The following OLFML2A variants were observed in gnomAD, a reference collection of about 807,000 sequenced individuals.
OLFML2A encodes olfactomedin-like protein 2A.
In OLFML2A, 47 loss-of-function variants were observed where a neutral mutation model predicts 60.9. That is an observed-to-expected ratio of 0.77 (90% confidence interval 0.61 to 0.98). The LOEUF is 0.98. Ranked by LOEUF, OLFML2A falls within the 50% of genes least tolerant of loss-of-function variation. The pLI, the probability that OLFML2A is intolerant of heterozygous loss-of-function variation, is 0.00. For synonymous variants in OLFML2A, 372 were observed against 375.0 expected, an observed-to-expected ratio of 0.99 and a Z score of 0.09; for missense variants, 922 against 879.8, an observed-to-expected ratio of 1.05 and a Z score of -0.61.
intron 1 of OLFML2A, among the ~76,000 whole-genome samples, chr9:124,784,955 T>TTTTTTTTTTTTG (rs1841432239): frequency 8.9e-6 from 1 of 112,052 alleles, no homozygotes; most frequent in African/African-American, 3.8e-5. Context: ...TTTTTTTTTT[T>TTTTTTTTTTTTG]TTTTTTTTTT....
chr9:124,804,078 G>T lies in OLFML2A; in HGVS notation c.920-16G>T, dbSNP rs576818740. The T allele has an allele frequency of 1.2e-6, 2 of 1,613,084 alleles. No homozygotes were observed. Among genetic ancestry groups the T allele is most frequent in the African/African-American group, 1.3e-5 (1 of 75,034 alleles). On this transcript the variant is annotated splice_polypyrimidine_tract_variant and intron_variant, in intron 5 of 7. Coordinates refer to ENST00000373580, the MANE Select transcript of OLFML2A (RefSeq NM_182487.4). ...GGTGGTGCTGAGATTTGAGCACAGGGGTCTTCTCTCTGCAGACAACACCCT... is the reference window on the plus strand; with the variant it reads ...GGTGGTGCTGAGATTTGAGCACAGGTGTCTTCTCTCTGCAGACAACACCCT...
Position 124,810,520 on chromosome 9 carries a change from G to C in OLFML2A, c.*108G>C. The C allele has an allele frequency of 1.7e-6, 2 of 1,174,116 alleles. No individual in the cohort carries two copies. Among genetic ancestry groups the C allele is most frequent in the Non-Finnish European group, 2.3e-6 (2 of 854,944 alleles). 72.7% of individuals were successfully genotyped at this position (1,174,116 alleles called of 1,614,324 possible). ...AATATTTATTGGGGGCCAGCCCAGGGCTGGGACTGGGCATGAGGTGGTCAC... is the reference window on the plus strand; with the variant it reads ...AATATTTATTGGGGGCCAGCCCAGGCCTGGGACTGGGCATGAGGTGGTCAC... On this transcript the variant is annotated 3_prime_UTR_variant, in exon 8 of 8. Coordinates refer to ENST00000373580, the MANE Select transcript of OLFML2A (RefSeq NM_182487.4).
chr9:124,803,987 C>G, intron 5 of OLFML2A, 107 bp from the exon 6 acceptor site: 1 of 1,312,062 alleles, frequency 7.6e-7, no homozygotes, highest in Non-Finnish European at 1.0e-6. Flanking sequence ...GAGGCCTCCC[C>G]CTCCACTCCC....
intron 1 of OLFML2A, among the ~76,000 whole-genome samples, chr9:124,786,589 C>T (rs1275693336): frequency 2.6e-5 from 4 of 151,762 alleles, no homozygotes; most frequent in East Asian, 1.9e-4. Context: ...GGCGTGATGG[C>T]GGGCACCTGT....
chr9:124,780,534 C>T (rs780945716), intron 1 of OLFML2A, among the ~76,000 whole-genome samples: 11 of 152,324 alleles, frequency 7.2e-5, no homozygotes, highest in East Asian at 1.9e-4. Context: ...GGTGTTGCTT[C>T]GCCTCCGCTC....
At chr9:124,800,824 G>C in intron 4 of OLFML2A, 1 of 1,370,184 alleles carries the variant, frequency 7.3e-7, no homozygotes, top group South Asian at 1.5e-5. Flanking sequence ...CAGCATCGGA[G>C]GCATTTAAAT....
intron 2 of OLFML2A, 74 bp downstream of exon 2, chr9:124,787,312 T>C: frequency 7.0e-7 from 1 of 1,438,064 alleles, no homozygotes; most frequent in African/African-American, 1.4e-5. Flanking sequence ...CAGTGAAAAT[T>C]CCACACACTC....
intron 3 of OLFML2A, among the ~76,000 whole-genome samples, chr9:124,796,275 G>T (rs956133729): frequency 6.6e-6 from 1 of 152,206 alleles, no homozygotes; most frequent in African/African-American, 2.4e-5. Flanking sequence ...AGGGGAGAAA[G>T]CTGACACTTG....
chr9:124,807,517 AG>A (rs1301905761), intron 6 of OLFML2A, among the ~76,000 whole-genome samples: 1 of 152,068 alleles, frequency 6.6e-6, no homozygotes, highest in Non-Finnish European at 1.5e-5. Flanking sequence ...TCCTAACCTC[AG>A]GTGATCCACC....
Position 124,798,443 on chromosome 9 carries a change from G to A in OLFML2A, c.463-842G>A, listed in dbSNP as rs202101246. Reference sequence around the variant, plus strand: ...TTGAGCCCGGGAGGAAGAGGTTGTCGCAGTGAATTGCTTGCAGTGAGCCAA... The same window carrying A: ...TTGAGCCCGGGAGGAAGAGGTTGTCACAGTGAATTGCTTGCAGTGAGCCAA... On this transcript the variant is annotated intron_variant, in intron 3 of 7. Coordinates refer to ENST00000373580, the MANE Select transcript of OLFML2A (RefSeq NM_182487.4). Among the ~76,000 whole-genome samples the A allele has an allele frequency of 3.3e-5, 5 of 152,150 alleles. No individual in the cohort carries two copies. The East Asian group carries it at 7.7e-4, about 24-fold the overall frequency.
intron 2 of OLFML2A, among the ~76,000 whole-genome samples, chr9:124,788,389 C>T (rs1032606284): frequency 1.3e-5 from 2 of 151,956 alleles, no homozygotes; most frequent in Admixed American, 6.6e-5. Flanking sequence ...GGGTGGATCA[C>T]GAGGTCAGGA....
chr9:124,810,210 A>C lies in OLFML2A; in HGVS notation c.1757A>C (p.Tyr586Ser). 1 of 1,613,746 alleles carries C rather than the reference A, an allele frequency of 6.2e-7. No homozygotes were observed. The highest frequency in any genetic ancestry group is 8.5e-7 in the Non-Finnish European group (1 of 1,180,014). The stretch of plus-strand genomic sequence containing the variant: ...TGCTTCCTGGTGTGCGGCATCCTGT[A>C]TGCCGTGGACACGTACAACCAGCAG... Reference protein sequence around the residue: ...GNCFLVCGILYAVDTYNQQEG... With the variant: ...GNCFLVCGILSAVDTYNQQEG... The change falls in exon 8 of 8, where the codon TAT becomes TCT. Residue 586 changes from tyrosine (Y) to serine (S), a missense_variant. Tyr to Ser is a moderately radical substitution (Grantham distance 144, BLOSUM62 -2). Coordinates refer to ENST00000373580, the MANE Select transcript of OLFML2A (RefSeq NM_182487.4).
chr9:124,798,517 CA>C (rs201374840), intron 3 of OLFML2A, among the ~76,000 whole-genome samples: 297 of 141,624 alleles, frequency 2.1e-3, no homozygotes, highest in African/African-American at 7.0e-3. Context: ...GACTCTGTCT[CA>C]AAAAAAAAAG....
chr9:124,783,982 G>A (rs1841409650), intron 1 of OLFML2A, among the ~76,000 whole-genome samples: 1 of 152,186 alleles, frequency 6.6e-6, no homozygotes, highest in Non-Finnish European at 1.5e-5. Flanking sequence ...GTGATACAAG[G>A]AAGTAAGCCA....
chr9:124,788,301 CA>C (rs138993596), intron 2 of OLFML2A, among the ~76,000 whole-genome samples: 50 of 142,308 alleles, frequency 3.5e-4, no homozygotes, highest in African/African-American at 7.5e-4. Context: ...GACTCGGTCT[CA>C]AAAAAAAAAA....
chr9:124,798,972 C>A (rs1182663946), intron 3 of OLFML2A, among the ~76,000 whole-genome samples: 1 of 152,156 alleles, frequency 6.6e-6, no homozygotes, highest in African/African-American at 2.4e-5. Context: ...ATACAAGGAA[C>A]CTATAATAAC....
rs142720136 is a variant in OLFML2A, at chr9:124,805,599, A to G, written c.1168+1257A>G. On this transcript the variant is annotated intron_variant, in intron 6 of 7. Coordinates refer to ENST00000373580, the MANE Select transcript of OLFML2A (RefSeq NM_182487.4). ...AAGGAAGGAAATGCCACATGTTTAAATTTTTCTTTGGATGGGAGAATGGTG... is the reference window on the plus strand; with the variant it reads ...AAGGAAGGAAATGCCACATGTTTAAGTTTTTCTTTGGATGGGAGAATGGTG... Among the ~76,000 whole-genome samples the G allele has an allele frequency of 5.5e-4, 84 of 152,112 alleles. 2 individuals carry two copies. Among genetic ancestry groups the G allele is most frequent in the African/African-American group, 1.9e-3 (79 of 41,488 alleles).
At position 124,813,372 on chromosome 9, in the gene OLFML2A, C is replaced by T. The variant is rs1842057470; in HGVS notation, c.*2960C>T. 6.6e-6 allele frequency: 1 copy of T among 152,272 alleles called. No homozygotes were observed. Among genetic ancestry groups the T allele is most frequent in the Non-Finnish European group, 1.5e-5 (1 of 68,064 alleles). The allele number at this position is 152,272 out of a possible 1,614,324, so 9.4% of individuals were successfully genotyped here. Reference sequence around the variant, plus strand: ...AAGAAAACCATCATCATTAACTGAGCACCAGCTGTGCTAAGCCTGCCACGG... The same window carrying T: ...AAGAAAACCATCATCATTAACTGAGTACCAGCTGTGCTAAGCCTGCCACGG... On this transcript the variant is annotated 3_prime_UTR_variant, in exon 8 of 8. Coordinates refer to ENST00000373580, the MANE Select transcript of OLFML2A (RefSeq NM_182487.4).
chr9:124,793,546 T>A (rs1419932840), intron 2 of OLFML2A, among the ~76,000 whole-genome samples: 1 of 152,222 alleles, frequency 6.6e-6, no homozygotes, highest in Non-Finnish European at 1.5e-5. Context: ...CGTGGATTTA[T>A]ATGAATTTGG....
Sources: gnomAD v4.1 joint callset for allele counts (sites outside exome capture counted in the v4.1 genomes callset) on GRCh38, gnomAD v4.1.1 for gene constraint, MANE v1.5 for transcripts, NCBI Gene and HGNC (gene_info 2026-07-23, HGNC 2026-07-21) for gene names.